SLIT3: variants seen among roughly 807,000 people sequenced by gnomAD.
SLIT3 encodes slit guidance ligand 3.
SLIT3 carries 68 observed loss-of-function variants against 184.0 expected under a neutral mutation model. That is an observed-to-expected ratio of 0.37 (90% CI 0.30 to 0.45). The LOEUF (loss-of-function observed/expected upper bound fraction) is 0.45. Ranked by LOEUF, SLIT3 falls within the 20% of genes least tolerant of loss-of-function variation. The pLI is 1.00. For synonymous variants in SLIT3, 831 were observed against 828.6 expected (o/e 1.00, Z -0.05); for missense variants, 1,707 against 2,026.0 (o/e 0.84, Z 3.02).
chr5:169,181,660 G>T (rs759756227), intron 4 of SLIT3, among the ~76,000 whole-genome samples: 6 of 151,330 alleles, frequency 4.0e-5, no homozygotes, highest in Non-Finnish European at 8.8e-5. Flanking sequence ...ACAATCGCAT[G>T]AACCTGGGAG....
At chr5:168,928,121 A>T (rs1761886333) in intron 4 of SLIT3, among the ~76,000 whole-genome samples, 1 of 152,222 alleles carries the variant, frequency 6.6e-6, no homozygotes, top group East Asian at 1.9e-4. Flanking sequence ...TGCTTGACAA[A>T]TAACAGGTAC....
At chr5:168,922,526 C>T (rs891168023) in intron 4 of SLIT3, among the ~76,000 whole-genome samples, 6 of 149,182 alleles carry the variant, frequency 4.0e-5, no homozygotes, top group Admixed American at 6.7e-5. Flanking sequence ...GAGGTGGGAA[C>T]GTGCATGATG....
intron 7 of SLIT3, among the ~76,000 whole-genome samples, chr5:168,820,393 G>A (rs1757488131): frequency 6.6e-6 from 1 of 152,130 alleles, no homozygotes; most frequent in East Asian, 1.9e-4. Flanking sequence ...ACTTCGGGTG[G>A]CAATTTAACT....
At chr5:169,163,858 T>C (rs1041794493) in intron 4 of SLIT3, among the ~76,000 whole-genome samples, 21 of 152,178 alleles carry the variant, frequency 1.4e-4, no homozygotes, top group African/African-American at 4.8e-4. Context: ...AGTTTTTCTA[T>C]AAAACTCACC....
intron 3 of SLIT3, among the ~76,000 whole-genome samples, chr5:169,217,846 A>G (rs1764497106): frequency 6.6e-6 from 1 of 152,232 alleles, no homozygotes; most frequent in Non-Finnish European, 1.5e-5. Context: ...AAAAGACAAT[A>G]TTCCTCACTG....
chr5:168,907,965 TATATATATATATATAGAGAG>T (rs1761125342), intron 4 of SLIT3, among the ~76,000 whole-genome samples: 38 of 80,068 alleles, frequency 4.7e-4, no homozygotes, highest in Middle Eastern at 0.015. Flanking sequence ...TATATATATA[TATATATATATATATAGAGAG>T]AGAGAGAGAG....
intron 4 of SLIT3, chr5:169,017,821 T>C (rs528822220): frequency 6.6e-6 from 1 of 152,316 alleles, no homozygotes; most frequent in African/African-American, 2.4e-5. Context: ...AAGTCTTCTT[T>C]GGTTTATTAG....
intron 4 of SLIT3, among the ~76,000 whole-genome samples, chr5:169,077,171 A>T (rs1381957702): frequency 3.3e-5 from 5 of 152,286 alleles, no homozygotes; most frequent in African/African-American, 1.2e-4. Context: ...ATTTCCATTT[A>T]ATGAATTGTA....
intron 4 of SLIT3, among the ~76,000 whole-genome samples, chr5:169,144,726 G>A (rs1761871675): frequency 6.6e-6 from 1 of 152,226 alleles, no homozygotes; most frequent in South Asian, 2.1e-4. Context: ...TGACTTCTAT[G>A]GCAGGAGAAT....
intron 4 of SLIT3, among the ~76,000 whole-genome samples, chr5:169,136,667 C>CA (rs1242622352): frequency 2.0e-5 from 3 of 152,130 alleles, no homozygotes; most frequent in Non-Finnish European, 4.4e-5. Context: ...AAAACAAGCC[C>CA]AATGCCTCAA....
chr5:168,957,366 C>T (rs1026175054), intron 4 of SLIT3, among the ~76,000 whole-genome samples: 1 of 152,172 alleles, frequency 6.6e-6, no homozygotes, highest in Admixed American at 6.5e-5. Flanking sequence ...TGCCCAGCCC[C>T]TTCAGCCCAT....
chr5:169,163,913 TG>T (rs1762554201), intron 4 of SLIT3, among the ~76,000 whole-genome samples: 1 of 152,152 alleles, frequency 6.6e-6, no homozygotes, highest in African/African-American at 2.4e-5. Flanking sequence ...CCTTTGGGCC[TG>T]GGCAGAGGTG....
At chr5:168,958,032 CT>C (rs1049244155) in intron 4 of SLIT3, among the ~76,000 whole-genome samples, 3 of 152,184 alleles carry the variant, frequency 2.0e-5, no homozygotes, top group Non-Finnish European at 4.4e-5. Flanking sequence ...TTTTGAGGGA[CT>C]GTTAAGAATT....
chr5:169,182,478 A>T (rs1357589903), intron 4 of SLIT3, among the ~76,000 whole-genome samples: 1 of 152,248 alleles, frequency 6.6e-6, no homozygotes, highest in Non-Finnish European at 1.5e-5. Context: ...TAGGAAAGCC[A>T]GAAGAAAGAC....
intron 2 of SLIT3, among the ~76,000 whole-genome samples, chr5:169,246,704 A>T (rs1765603936): frequency 6.6e-6 from 1 of 152,028 alleles, no homozygotes. Flanking sequence ...GTGGACCAGG[A>T]GGTCAGGAGT....
At chr5:169,293,421 A>G (rs1767413426) in intron 1 of SLIT3, among the ~76,000 whole-genome samples, 1 of 152,122 alleles carries the variant, frequency 6.6e-6, no homozygotes, top group South Asian at 2.1e-4. Flanking sequence ...ACTTGGACAA[A>G]TGGACCTCTT....
intron 3 of SLIT3, among the ~76,000 whole-genome samples, chr5:169,221,601 T>C (rs1041560735): frequency 2.0e-5 from 3 of 152,204 alleles, no homozygotes; most frequent in African/African-American, 7.2e-5. Flanking sequence ...TATTCACTGC[T>C]TCTGTTGCAA....
chr5:169,190,906 A>T (rs1763530269), intron 4 of SLIT3, among the ~76,000 whole-genome samples: 1 of 152,246 alleles, frequency 6.6e-6, no homozygotes, highest in Non-Finnish European at 1.5e-5. Flanking sequence ...CAAGAGGGCC[A>T]TTAAGAAAAA....
rs199596498 is a variant in SLIT3 at position 168,731,300 on chromosome 5, T to TC, written c.2271-6817dup. ...GAGACTGAATCAGTAATACAAAATA[T>TC]CCCCCCCTAAACTGCCACCAAAAAG... On this transcript the variant is annotated intron_variant, in intron 20 of 35. Transcript: ENST00000519560. Among the ~76,000 whole-genome samples, 603 of 150,888 alleles carry TC rather than the reference T, an allele frequency of 4.0e-3. 3 individuals are homozygous for TC. Among genetic ancestry groups the TC allele is most frequent in the African/African-American group, 0.014 (564 of 41,156 alleles).
Sources: gnomAD v4.1 joint callset for allele counts (sites outside exome capture counted in the v4.1 genomes callset) on GRCh38, gnomAD v4.1.1 for gene constraint, MANE v1.5 for transcripts, NCBI Gene and HGNC (gene_info 2026-07-23, HGNC 2026-07-21) for gene names.